The following POLQ variants were observed in gnomAD, a reference collection of about 807,000 sequenced individuals.
The protein encoded by POLQ is epididymis secretory sperm binding protein.
In POLQ, 233 loss-of-function variants were observed where a neutral mutation model predicts 259.2. The observed-to-expected ratio is 0.90, with a 90% CI of 0.81 to 1.00. The LOEUF (loss-of-function observed/expected upper bound fraction) is 1.00, where lower values mean the gene tolerates loss of function less well. Among genes scored for constraint, POLQ ranks in the 50% least tolerant of loss-of-function variants. The probability of loss-of-function intolerance (pLI) is 0.00; values close to 1 mark genes in which losing one functional copy is unlikely to be tolerated. For missense variants in POLQ, 2,871 were observed against 3,051.6 expected (o/e 0.94, Z 1.39); for synonymous variants, 1,025 against 1,048.8 (o/e 0.98, Z 0.44).
intron 19 of POLQ, 95 bp from the exon 20 acceptor site, chr3:121,476,828 C>T: frequency 1.2e-6 from 1 of 814,280 alleles, no homozygotes; most frequent in Non-Finnish European, 1.9e-6. Context: ...CTAGGAAAAT[C>T]CAGAAATGCT....
At chr3:121,456,385 C>T (rs1402692867) in intron 25 of POLQ, among the ~76,000 whole-genome samples, 2 of 151,780 alleles carry the variant, frequency 1.3e-5, no homozygotes, top group Non-Finnish European at 2.9e-5. Flanking sequence ...CTGGCCAGGG[C>T]AATCAGGCAG....
intron 25 of POLQ, among the ~76,000 whole-genome samples, chr3:121,451,483 T>C (rs2047676060): frequency 6.6e-6 from 1 of 152,240 alleles, no homozygotes; most frequent in African/African-American, 2.4e-5. Context: ...ATGTCCTTTC[T>C]GTTTGTTAGT....
rs112196344 is a variant in POLQ at position 121,440,298 on chromosome 3, A to G, written c.7265-182T>C. Among the ~76,000 whole-genome samples the G allele has an allele frequency of 3.3e-3, 501 of 152,296 alleles. 5 individuals are homozygous for G. The highest frequency in any genetic ancestry group is 0.011 in the African/African-American group (476 of 41,558). On this transcript the variant is annotated intron_variant, in intron 26 of 29. Transcript: ENST00000264233. Reference sequence around the variant, plus strand: ...TCTAGACTCAAAAAGTTAGAAATAAAAGAGACTTTAGAAATGAAATACTCT... The same window carrying G: ...TCTAGACTCAAAAAGTTAGAAATAAGAGAGACTTTAGAAATGAAATACTCT...
intron 5 of POLQ, 37 bp from the exon 6 acceptor site, chr3:121,533,246 T>C (rs955457459): frequency 3.9e-6 from 5 of 1,295,416 alleles, no homozygotes; most frequent in Non-Finnish European, 4.2e-6. Flanking sequence ...TTAAAAGATA[T>C]ATAATACATT....
chr3:121,434,237 A>G (rs967847152), intron 28 of POLQ, among the ~76,000 whole-genome samples: 4 of 151,890 alleles, frequency 2.6e-5, no homozygotes, highest in African/African-American at 9.7e-5. Context: ...CTTTCATCCT[A>G]CTGACCTAGT....
chr3:121,436,547 A>G (rs1426845553), intron 27 of POLQ, among the ~76,000 whole-genome samples: 2 of 152,296 alleles, frequency 1.3e-5, no homozygotes, highest in East Asian at 3.9e-4. Context: ...AGCATCCAAA[A>G]ACTACTTTGC....
intron 12 of POLQ, among the ~76,000 whole-genome samples, chr3:121,505,362 T>C (rs1344529104): frequency 1.3e-5 from 2 of 152,196 alleles, no homozygotes; most frequent in Non-Finnish European, 1.5e-5. Flanking sequence ...AGTGTGAGAA[T>C]GGACTAATAC....
intron 14 of POLQ, among the ~76,000 whole-genome samples, chr3:121,496,187 T>TTA (rs1438623416): frequency 6.6e-6 from 1 of 151,038 alleles, no homozygotes; most frequent in Non-Finnish European, 1.5e-5. Flanking sequence ...GTACCTTTTT[T>TTA]TTTTTTTGAG....
At chr3:121,542,377 G>A (rs2048496841) in intron 2 of POLQ, among the ~76,000 whole-genome samples, 1 of 152,076 alleles carries the variant, frequency 6.6e-6, no homozygotes, top group Non-Finnish European at 1.5e-5. Flanking sequence ...GTGATACAGT[G>A]AGACTCTGTT....
In POLQ at chr3:121,485,071, A is replaced by G. The variant is rs1207561874; in HGVS notation, c.5743T>C (p.Phe1915Leu). 5.0e-6 allele frequency: 8 copies of G among 1,612,756 alleles called. No individual in the cohort carries two copies. Among genetic ancestry groups the G allele is most frequent in the Non-Finnish European group, 6.8e-6 (8 of 1,179,586 alleles). Residue 1915 changes from phenylalanine (F) to leucine (L), a missense_variant, in exon 17 of 30, where the codon TTT (phenylalanine) becomes CTT (leucine). Physicochemically the swap from Phe to Leu is conservative, Grantham distance 22 (BLOSUM62 0). Around this residue, in one of 3 missense-constraint regions of POLQ, gnomAD observed 2,080 missense variants for 2,126.0 expected, o/e 0.98. Coordinates refer to ENST00000264233, the MANE Select transcript of POLQ (RefSeq NM_199420.4). ...TGCTTTTGTTCCTTCTGCAGTGAAA[A>G]ATAATAGGCATCCCTTCCACCCCAG... The part of the protein sequence containing the change: ...VCWGGRDAYY[F>L]SLQKEQKHSE...
In POLQ at chr3:121,509,611, T is replaced by C; in HGVS notation, c.1909A>G (p.Arg637Gly). ...DTLDIFADLQ[R>G]AMKGFVLEND... Reference sequence around the variant, plus strand: ...TCTAAAACAAAGCCCTTCATTGCTCTTTGCAGGTCAGCAAAAATATCTAAA... The same window carrying C: ...TCTAAAACAAAGCCCTTCATTGCTCCTTGCAGGTCAGCAAAAATATCTAAA... The change falls in exon 12 of 30, where the codon AGA (arginine) becomes GGA (glycine). Residue 637 changes from arginine to glycine, a missense_variant. Transcript: ENST00000264233. The C allele has an allele frequency of 1.2e-6, 2 of 1,613,864 alleles. No homozygotes were observed. The highest frequency in any genetic ancestry group is 1.7e-6 in the Non-Finnish European group (2 of 1,179,790).
chr3:121,508,449 G>A (rs920465087), intron 12 of POLQ, among the ~76,000 whole-genome samples: 5 of 152,278 alleles, frequency 3.3e-5, no homozygotes, highest in African/African-American at 7.2e-5. Context: ...AAATGGAATC[G>A]TAAGAGAGGT....
chr3:121,511,087 G>A (rs1316849332), intron 10 of POLQ, among the ~76,000 whole-genome samples: 2 of 151,964 alleles, frequency 1.3e-5, no homozygotes, highest in South Asian at 2.1e-4. Flanking sequence ...TAAGCCAGGC[G>A]TGGTGGCGGG....
rs762865372 is a variant in POLQ, at chr3:121,496,804, T to G, written c.2278+4A>C. 1.2e-6 allele frequency: 2 copies of G among 1,604,062 alleles called. No homozygotes were observed. Among genetic ancestry groups the G allele is most frequent in the African/African-American group, 1.3e-5 (1 of 74,306 alleles). Reference sequence around the variant, plus strand: ...ATAAATGTGAAACCCTTTGTTTAACTGACCTGCATAAACAGCAGCTGACTG... The same window carrying G: ...ATAAATGTGAAACCCTTTGTTTAACGGACCTGCATAAACAGCAGCTGACTG... On this transcript the variant is annotated splice_donor_region_variant and intron_variant, in intron 14 of 29. Coordinates refer to ENST00000264233, the MANE Select transcript of POLQ (RefSeq NM_199420.4).
In POLQ at chr3:121,537,100, C is replaced by A. The variant is rs534872139; in HGVS notation, c.740G>T (p.Cys247Phe). ...GAACTCAGTTATTTCACGTACTTAC[C>A]AAGATGCTGATTTCCGAGTAATATA... ...ICYITRKSAS[C>F]QADLASSLSN... Residue 247 changes from cysteine (C) to phenylalanine (F), a missense_variant and splice_region_variant, in exon 5 of 30, where the codon TGT (cysteine) becomes TTT (phenylalanine). This residue lies in a region of POLQ where 783 missense variants were observed against 906.2 expected (regional missense o/e 0.86). Transcript: ENST00000264233. 8.1e-5 allele frequency: 118 copies of A among 1,459,292 alleles called. 1 individual carries two copies. The South Asian group carries it at 1.2e-3, about 14-fold the overall frequency. The allele number at this position is 1,459,292 out of a possible 1,614,324, so 90.4% of individuals were successfully genotyped here.
In POLQ at chr3:121,524,738, C is replaced by A. The variant is rs186967683; in HGVS notation, c.1109-2589G>T. On this transcript the variant is annotated intron_variant, in intron 7 of 29. Coordinates refer to ENST00000264233, the MANE Select transcript of POLQ (RefSeq NM_199420.4). ...CTAAGTCTGGAATAGAGGGAAGAGA[C>A]AGCAAAAGAAAAGAGAATATTTTAG... 5.3e-5 allele frequency among the ~76,000 whole-genome samples: 8 copies of A among 151,970 alleles called. No individual in the cohort carries two copies. The East Asian group carries it at 1.5e-3, about 29-fold the overall frequency.
At position 121,493,725 on chromosome 3, in the gene POLQ, G is replaced by A. The variant is rs754996174; in HGVS notation, c.2279-4C>T. On this transcript the variant is annotated splice_region_variant and splice_polypyrimidine_tract_variant and intron_variant, in intron 14 of 29. Transcript: ENST00000264233. ...TTGGAAAATACTGTAATCATCCCTAGAACATTCATAGAATATTTGTTGAAT... is the reference window on the plus strand; with the variant it reads ...TTGGAAAATACTGTAATCATCCCTAAAACATTCATAGAATATTTGTTGAAT... The A allele has an allele frequency of 3.1e-6, 5 of 1,606,428 alleles. No homozygotes were observed. The highest frequency in any genetic ancestry group is 1.1e-5 in the South Asian group (1 of 90,382).
intron 13 of POLQ, among the ~76,000 whole-genome samples, chr3:121,497,173 C>T (rs2048131449): frequency 6.6e-6 from 1 of 152,074 alleles, no homozygotes; most frequent in Admixed American, 6.6e-5. Context: ...AAAACCTGCC[C>T]ATATTCAAAA....
chr3:121,442,082 T>C (rs1446230460), intron 26 of POLQ, among the ~76,000 whole-genome samples: 1 of 152,228 alleles, frequency 6.6e-6, no homozygotes, highest in Non-Finnish European at 1.5e-5. Flanking sequence ...ATTCTGGATA[T>C]ACATCCTTTG....
Sources: gnomAD v4.1 joint callset for allele counts (sites outside exome capture counted in the v4.1 genomes callset) on GRCh38, gnomAD v4.1.1 for gene constraint, gnomAD v4.1.1 regional missense constraint, MANE v1.5 for transcripts, NCBI Gene and HGNC (gene_info 2026-07-23, HGNC 2026-07-21) for gene names.